Variants in PALM observed in about 807,000 individuals in gnomAD.
The protein encoded by PALM is paralemmin.
Under a neutral mutation model 30.7 loss-of-function variants are expected in PALM, and 18 were observed. That is an observed-to-expected ratio of 0.59 (90% confidence interval 0.41 to 0.87). The LOEUF is 0.87. PALM is among the 40% of genes least tolerant of loss of function. PALM has a pLI of 0.00. For missense variants in PALM, 529 were observed against 555.4 expected (o/e 0.95, Z 0.48); for synonymous variants, 286 against 242.8 (o/e 1.18, Z -1.66).
At chr19:745,002 A>G (rs564138891) in intron 8 of PALM, among the ~76,000 whole-genome samples, 2 of 151,506 alleles carry the variant, frequency 1.3e-5, no homozygotes, top group Non-Finnish European at 2.9e-5. Flanking sequence ...CAACGTGGTG[A>G]AACCCCATCT....
intron 8 of PALM, among the ~76,000 whole-genome samples, chr19:740,896 C>T (rs937205974): frequency 4.7e-5 from 7 of 149,868 alleles, no homozygotes; most frequent in East Asian, 2.0e-4. Context: ...TTTGGGAGGC[C>T]GAGGGAGGAG....
rs570386342 is a variant in PALM, at chr19:746,583, G to A, written c.933G>A (p.Glu311=). Reference sequence around the variant, plus strand: ...TGGGTTACCAGAACGTGGAGGATGAGGCCGAGACCAAGAAGGTGCTGGGCC... The same window carrying A: ...TGGGTTACCAGAACGTGGAGGATGAAGCCGAGACCAAGAAGGTGCTGGGCC... ...IFMGYQNVED[E]AETKKVLGLQ... Residue 311 remains glutamate, a synonymous_variant, in exon 9 of 9, where the codon GAG becomes GAA. Coordinates refer to ENST00000338448, the MANE Select transcript of PALM (RefSeq NM_002579.3). This position sits in a 1 kb window ranked among gnomAD's most constrained non-coding sequence, Gnocchi z 7.1. The A allele has an allele frequency of 2.3e-5, 37 of 1,613,488 alleles. No individual in the cohort carries two copies. The highest frequency in any genetic ancestry group is 3.3e-5 in the Admixed American group (2 of 60,026).
chr19:738,369 A>G (rs1226481807), intron 7 of PALM, among the ~76,000 whole-genome samples: 3 of 152,144 alleles, frequency 2.0e-5, no homozygotes, highest in Non-Finnish European at 4.4e-5. Context: ...TAGTAAAAAT[A>G]CAAAAAATTA....
intron 1 of PALM, among the ~76,000 whole-genome samples, chr19:721,604 T>C (rs1190014569): frequency 6.6e-6 from 1 of 151,716 alleles, no homozygotes; most frequent in Non-Finnish European, 1.5e-5. Flanking sequence ...TGTTTGTTTG[T>C]TTTGTTTTTT....
chr19:744,182 C>T (rs984239946), intron 8 of PALM, among the ~76,000 whole-genome samples: 1 of 151,934 alleles, frequency 6.6e-6, no homozygotes, highest in Non-Finnish European at 1.5e-5. Flanking sequence ...AGGAGGATCA[C>T]GAGGTCAGGA....
At chr19:713,974 G>A (rs1422269939) in intron 1 of PALM, among the ~76,000 whole-genome samples, 21 of 149,836 alleles carry the variant, frequency 1.4e-4, no homozygotes, top group East Asian at 3.9e-4. Context: ...GGGTGATCTC[G>A]GCTCACTGCA....
At chr19:736,908 C>G (rs571090143) in intron 7 of PALM, among the ~76,000 whole-genome samples, 76 of 152,324 alleles carry the variant, frequency 5.0e-4, no homozygotes, top group African/African-American at 1.8e-3. Flanking sequence ...CAAAAATTAG[C>G]CGGGCATGGT....
chr19:731,021 G>T, intron 4 of PALM, 74 bp from the exon 5 acceptor site: 2 of 928,486 alleles, frequency 2.2e-6, no homozygotes, highest in East Asian at 2.8e-5. Flanking sequence ...ACACTGGGGA[G>T]CTGTCGTACA....
chr19:724,993 C>T (rs554228129), intron 1 of PALM, among the ~76,000 whole-genome samples: 62 of 152,106 alleles, frequency 4.1e-4, no homozygotes, highest in Admixed American at 6.6e-4. Context: ...GATCTCGGCT[C>T]ACTGCAGCCT....
intron 5 of PALM, among the ~76,000 whole-genome samples, chr19:731,797 C>T (rs180957647): frequency 2.7e-4 from 41 of 152,094 alleles, no homozygotes; most frequent in Non-Finnish European, 5.1e-4. Flanking sequence ...GTAGCTGGGA[C>T]TACAGGCGCC....
Position 727,028 on chromosome 19 carries a change from G to A in PALM, c.78G>A (p.Ala26=), listed in dbSNP as rs746107055. 152 of 1,476,318 alleles carry A rather than the reference G, an allele frequency of 1.0e-4. No homozygotes were observed. Among genetic ancestry groups the A allele is most frequent in the Non-Finnish European group, 1.3e-4 (145 of 1,098,222 alleles). 91.5% of individuals were successfully genotyped at this position (1,476,318 alleles called of 1,614,324 possible). ...QAIAEKRKRQ[A]EIENKRRQLE... ...CACAGGAGAAGCGGAAGCGGCAGGC[G>A]GAGATCGAGAACAAGCGCCGGCAGC... Residue 26 remains alanine (A), a synonymous_variant, in exon 3 of 9, where the codon GCG becomes GCA. Transcript: ENST00000338448.
Position 711,857 on chromosome 19 carries a change from C to T in PALM, c.5+2706C>T, listed in dbSNP as rs146816119. On this transcript the variant is annotated intron_variant, in intron 1 of 8. Transcript: ENST00000338448. ...CCAGTCTCGAACTCCTGGGCTCAAGCGACTTCCCTGCCTCAGCCTCCCAAG... is the reference window on the plus strand; with the variant it reads ...CCAGTCTCGAACTCCTGGGCTCAAGTGACTTCCCTGCCTCAGCCTCCCAAG... 3.4e-3 allele frequency among the ~76,000 whole-genome samples: 510 copies of T among 152,100 alleles called. 3 individuals are homozygous for T. Among genetic ancestry groups the T allele is most frequent in the African/African-American group, 0.012 (488 of 41,472 alleles).
At chr19:718,566 C>G (rs1305243959) in intron 1 of PALM, among the ~76,000 whole-genome samples, 1 of 152,176 alleles carries the variant, frequency 6.6e-6, no homozygotes, top group Non-Finnish European at 1.5e-5. Flanking sequence ...GGTTAATAGG[C>G]AACAGGTTTG....
intron 7 of PALM, among the ~76,000 whole-genome samples, chr19:736,714 G>A (rs2033035083): frequency 6.6e-6 from 1 of 152,166 alleles, no homozygotes. Context: ...TCGTCGCAGT[G>A]GGCAAAACCA....
At position 741,751 on chromosome 19, in the gene PALM, G is replaced by T. The variant is rs541074440; in HGVS notation, c.634+1268G>T. Among the ~76,000 whole-genome samples, 167 of 152,220 alleles carry T rather than the reference G, an allele frequency of 1.1e-3. 1 individual carries two copies. The highest frequency in any genetic ancestry group is 3.8e-3 in the African/African-American group (159 of 41,524). On this transcript the variant is annotated intron_variant, in intron 8 of 8. Transcript: ENST00000338448. ...TTGGTTTTAAGGGCTCCTCCTAGAG[G>T]TCAAGAGGCAAACAGGCTGTGGGAG... is the stretch of plus-strand genomic sequence containing the variant.
rs1030710384 is a variant in PALM at position 727,129 on chromosome 19, G to C, written c.138+41G>C. 5 of 1,356,432 alleles carry C rather than the reference G, an allele frequency of 3.7e-6. No individual in the cohort carries two copies. The East Asian group carries it at 7.6e-5, about 21-fold the overall frequency. The allele number at this position is 1,356,432 out of a possible 1,614,324, so 84.0% of individuals were successfully genotyped here. A position where few individuals can be genotyped will look rare whatever the true frequency, so the allele number is the denominator to read the frequency against. Reference sequence around the variant, plus strand: ...GGACCCAGGGTCAGGGAGTGCAGGCGGCTGTGAGGCGGAGGCCCCGGACTC... The same window carrying C: ...GGACCCAGGGTCAGGGAGTGCAGGCCGCTGTGAGGCGGAGGCCCCGGACTC... On this transcript the variant is annotated intron_variant, in intron 3 of 8. Coordinates refer to ENST00000338448, the MANE Select transcript of PALM (RefSeq NM_002579.3).
intron 1 of PALM, among the ~76,000 whole-genome samples, chr19:713,345 G>A (rs1322751239): frequency 1.3e-5 from 2 of 151,986 alleles, no homozygotes; most frequent in African/African-American, 2.4e-5. Context: ...TGGAGAGGGG[G>A]TCCTGACTCC....
At chr19:743,272 T>C (rs1164749788) in intron 8 of PALM, among the ~76,000 whole-genome samples, 2 of 152,148 alleles carry the variant, frequency 1.3e-5, no homozygotes, top group Non-Finnish European at 2.9e-5. Context: ...GAAGTCCCCA[T>C]GCCTCGTCTT....
rs2033376155 is a variant in PALM at position 747,213 on chromosome 19, G to A, written c.*399G>A. On this transcript the variant is annotated 3_prime_UTR_variant, in exon 9 of 9. Transcript: ENST00000338448. ...GCCTCCTACCTGTGCCTTTCTCTGA[G>A]GGGACACCCCGCCAGAGAGGGCCCC... The A allele has an allele frequency of 5.4e-6, 1 of 183,846 alleles. No individual in the cohort carries two copies. The highest frequency in any genetic ancestry group is 5.7e-5 in the Admixed American group (1 of 17,502). The allele number at this position is 183,846 out of a possible 1,614,324, so 11.4% of individuals were successfully genotyped here. A position where few individuals can be genotyped will look rare whatever the true frequency, so the allele number is the denominator to read the frequency against.
Sources: gnomAD v4.1 joint callset for allele counts (sites outside exome capture counted in the v4.1 genomes callset) on GRCh38, gnomAD v4.1.1 for gene constraint, Gnocchi (gnomAD v3.1) non-coding constraint, MANE v1.5 for transcripts, NCBI Gene and HGNC (gene_info 2026-07-23, HGNC 2026-07-21) for gene names.